The following PCDHA9 variants were observed in gnomAD, a reference collection of about 807,000 sequenced individuals.
PCDHA9 encodes protocadherin alpha-9.
In PCDHA9, 62 loss-of-function variants were observed where a neutral mutation model predicts 62.0. That is an observed-to-expected ratio of 1.00 (90% CI 0.81 to 1.23). The LOEUF (loss-of-function observed/expected upper bound fraction) is 1.23. PCDHA9 is among the 50% of genes most tolerant of loss of function. PCDHA9 has a pLI of 0.00. For synonymous variants in PCDHA9, 557 were observed against 567.6 expected (o/e 0.98, Z 0.27); for missense variants, 1,205 against 1,249.8 (o/e 0.96, Z 0.54).
chr5:140,982,985 A>C (rs2097019022), intron 3 of PCDHA9, among the ~76,000 whole-genome samples: 1 of 152,162 alleles, frequency 6.6e-6, no homozygotes, highest in Non-Finnish European at 1.5e-5. Flanking sequence ...AAAGAAAGAG[A>C]AAAAGAAGGA....
At chr5:140,871,360 AG>A in intron 1 of PCDHA9, 1 of 1,614,180 alleles carries the variant, frequency 6.2e-7, no homozygotes, top group East Asian at 2.2e-5. Context: ...CTCGCAGCAG[AG>A]GCGGCAGAGG....
chr5:140,900,438 C>T (rs573115268), intron 1 of PCDHA9, among the ~76,000 whole-genome samples: 21 of 152,234 alleles, frequency 1.4e-4, no homozygotes, highest in South Asian at 8.3e-4. Flanking sequence ...CCACCACGGC[C>T]GGCTAATTTT....
At chr5:140,865,274 A>G (rs1465243720) in intron 1 of PCDHA9, 5 of 152,220 alleles carry the variant, frequency 3.3e-5, no homozygotes, top group African/African-American at 1.2e-4. Flanking sequence ...AATTATATGT[A>G]AAATTACTTT....
rs35680913 is a variant in PCDHA9 at position 140,961,887 on chromosome 5, GT to G, written c.2395-17048del. Among the ~76,000 whole-genome samples, 881 of 143,912 alleles carry G rather than the reference GT, an allele frequency of 6.1e-3. 6 individuals carry two copies. The highest frequency in any genetic ancestry group is 0.018 in the African/African-American group (705 of 39,388). The allele number at this position is 143,912 out of a possible 152,430, so 94.4% of individuals were successfully genotyped here. ...ACAGATAATTGACTTACTTACATCA[GT>G]TTTTTTTTTTTTTGAGATGGAGTCT... On this transcript the variant is annotated intron_variant, in intron 1 of 3. Coordinates refer to ENST00000532602, the MANE Select transcript of PCDHA9 (RefSeq NM_031857.2).
chr5:140,869,813 A>G, intron 1 of PCDHA9: 2 of 1,612,416 alleles, frequency 1.2e-6, no homozygotes, highest in Non-Finnish European at 1.7e-6. Context: ...GATGTCAACG[A>G]CAATGATCCA....
In PCDHA9 at chr5:140,923,435, G is replaced by A. The variant is rs186360462; in HGVS notation, c.2395-55514G>A. 5.3e-3 allele frequency among the ~76,000 whole-genome samples: 803 copies of A among 152,184 alleles called. 3 individuals are homozygous for A. Among genetic ancestry groups the A allele is most frequent in the Non-Finnish European group, 8.4e-3 (569 of 67,990 alleles). ...CCTGGCTACTTGGGAGGCTGGGGTG[G>A]GAGGATCACCTGAGCCCAGAGAGGT... On this transcript the variant is annotated intron_variant, in intron 1 of 3. Transcript: ENST00000532602.
chr5:140,858,914 A>C, intron 1 of PCDHA9: 1 of 181,616 alleles, frequency 5.5e-6, no homozygotes, highest in Non-Finnish European at 1.1e-5. Flanking sequence ...CACAGCTTAT[A>C]CTGCCATAGT....
At chr5:140,929,036 C>T in intron 1 of PCDHA9, 1 of 1,614,178 alleles carries the variant, frequency 6.2e-7, no homozygotes, top group Non-Finnish European at 8.5e-7. Flanking sequence ...GGCTGTTGCG[C>T]TCAGAGCTGC....
At chr5:140,892,445 T>C (rs1177566356) in intron 1 of PCDHA9, among the ~76,000 whole-genome samples, 1 of 152,214 alleles carries the variant, frequency 6.6e-6, no homozygotes, top group Non-Finnish European at 1.5e-5. Context: ...AAAATTTACA[T>C]GTATTCTTTA....
At chr5:140,862,559 A>C in intron 1 of PCDHA9, 1 of 470,052 alleles carries the variant, frequency 2.1e-6, no homozygotes, top group Non-Finnish European at 4.3e-6. Context: ...CGAACAGTGA[A>C]CCACAATGCC....
intron 1 of PCDHA9, among the ~76,000 whole-genome samples, chr5:140,907,970 A>G (rs1312755290): frequency 6.6e-6 from 1 of 152,158 alleles, no homozygotes; most frequent in African/African-American, 2.4e-5. Context: ...CAATTTTCCA[A>G]TCATGCTTCT....
chr5:140,997,675 TG>T (rs1554255972), intron 3 of PCDHA9, among the ~76,000 whole-genome samples: 41 of 151,686 alleles, frequency 2.7e-4, no homozygotes, highest in African/African-American at 9.7e-4. Flanking sequence ...AGCTTGTGTG[TG>T]TGTGTGTGTG....
At chr5:140,897,803 C>A (rs1285512803) in intron 1 of PCDHA9, among the ~76,000 whole-genome samples, 2 of 152,130 alleles carry the variant, frequency 1.3e-5, no homozygotes, top group Non-Finnish European at 2.9e-5. Flanking sequence ...AGAGTCCCAC[C>A]AACAGTGTAA....
chr5:140,928,161 C>A, intron 1 of PCDHA9: 3 of 1,613,960 alleles, frequency 1.9e-6, no homozygotes, highest in East Asian at 2.2e-5. Context: ...GTGGCTCACC[C>A]CCACTTAGCA....
intron 1 of PCDHA9, chr5:140,858,650 T>A (rs1581517795): frequency 6.1e-6 from 5 of 822,646 alleles, no homozygotes; most frequent in Admixed American, 3.2e-5. Context: ...GGTACTTAAA[T>A]TTTTTTAAAT....
chr5:140,927,838 G>C, intron 1 of PCDHA9: 1 of 1,614,210 alleles, frequency 6.2e-7, no homozygotes, highest in Non-Finnish European at 8.5e-7. Context: ...GAGGGACGAA[G>C]GTGTCTTTGG....
At chr5:141,006,678 T>C (rs1554260866) in intron 3 of PCDHA9, among the ~76,000 whole-genome samples, 1 of 151,754 alleles carries the variant, frequency 6.6e-6, no homozygotes, top group Non-Finnish European at 1.5e-5. Flanking sequence ...GCAGTGAAAA[T>C]TGGGAGAAGA....
intron 3 of PCDHA9, among the ~76,000 whole-genome samples, chr5:140,993,365 A>G (rs1207264244): frequency 1.3e-5 from 2 of 151,422 alleles, no homozygotes; most frequent in Admixed American, 6.6e-5. Flanking sequence ...CACAAAAACT[A>G]CCTCCCAGCC....
chr5:140,956,130 AC>A (rs1328169081), intron 1 of PCDHA9, among the ~76,000 whole-genome samples: 3 of 152,088 alleles, frequency 2.0e-5, no homozygotes. Context: ...CTATTTGAAT[AC>A]CCTTTATTTC....
Sources: gnomAD v4.1 joint callset for allele counts (sites outside exome capture counted in the v4.1 genomes callset) on GRCh38, gnomAD v4.1.1 for gene constraint, MANE v1.5 for transcripts, NCBI Gene and HGNC (gene_info 2026-07-23, HGNC 2026-07-21) for gene names.